Variants in PTH2R observed in about 807,000 individuals in gnomAD.
The protein encoded by PTH2R is PTH2 receptor.
A neutral mutation model predicts 60.3 loss-of-function variants in PTH2R; 59 were observed. The ratio of observed to expected loss-of-function variants is 0.98; its 90% CI spans 0.79 to 1.22. The LOEUF is 1.22. Among genes scored for constraint, PTH2R ranks in the 50% most tolerant of loss-of-function variants. PTH2R has a pLI of 0.00. For synonymous variants in PTH2R, 256 were observed against 243.8 expected, an observed-to-expected ratio of 1.05 and a Z score of -0.47; for missense variants, 749 against 682.6, an observed-to-expected ratio of 1.10 and a Z score of -1.08.
At chr2:208,379,665 GC>G (rs1413915544) in intron 1 of PTH2R, among the ~76,000 whole-genome samples, 1 of 151,948 alleles carries the variant, frequency 6.6e-6, no homozygotes, top group Non-Finnish European at 1.5e-5. Context: ...TTTGAGACCA[GC>G]CTGGTTAACA....
At chr2:208,481,848 G>A (rs1574912917) in intron 10 of PTH2R, among the ~76,000 whole-genome samples, 2 of 152,162 alleles carry the variant, frequency 1.3e-5, no homozygotes, top group Non-Finnish European at 2.9e-5. Context: ...ACATCAAATT[G>A]TCTCTCACTA....
At chr2:208,462,691 C>T (rs1250132194) in intron 9 of PTH2R, among the ~76,000 whole-genome samples, 1 of 152,192 alleles carries the variant, frequency 6.6e-6, no homozygotes, top group Non-Finnish European at 1.5e-5. Flanking sequence ...AATTTAATAT[C>T]TGCATTGGAA....
intron 1 of PTH2R, among the ~76,000 whole-genome samples, chr2:208,387,076 A>G (rs1701016387): frequency 6.6e-6 from 1 of 152,162 alleles, no homozygotes; most frequent in East Asian, 1.9e-4. Flanking sequence ...TTCATATACA[A>G]AGGGATAATA....
Position 208,418,549 on chromosome 2 carries a change from T to G in PTH2R, c.76-9652T>G, listed in dbSNP as rs148142391. On this transcript the variant is annotated intron_variant, in intron 1 of 12. Transcript: ENST00000272847. ...TAACACCCATCCATGAAAGAAATTC[T>G]TAATAAAATAAGCATAAAAGGGAAC... 2.4e-4 allele frequency among the ~76,000 whole-genome samples: 36 copies of G among 152,154 alleles called. No individual in the cohort carries two copies. In the East Asian group the frequency reaches 2.7e-3, roughly 11 times the overall value.
At chr2:208,407,169 A>G in intron 1 of PTH2R, 51 bp downstream of exon 1, 1 of 1,385,532 alleles carries the variant, frequency 7.2e-7, no homozygotes, top group South Asian at 1.9e-5. Context: ...TCCGGCGGGG[A>G]CTCAGCTTTA....
At position 208,411,019 on chromosome 2, in the gene PTH2R, G is replaced by A. The variant is rs369943662; in HGVS notation, c.75+3901G>A. On this transcript the variant is annotated intron_variant, in intron 1 of 12. Transcript: ENST00000272847. The stretch of plus-strand genomic sequence containing the variant: ...CCAGCACTTTGGGAGGCCAAGGCGG[G>A]CAGATCACTTGAGGTCAGGAGTTCG... 4.7e-4 allele frequency among the ~76,000 whole-genome samples: 72 copies of A among 152,328 alleles called. No homozygotes were observed. In the East Asian group the frequency reaches 0.012, roughly 25 times the overall value.
intron 1 of PTH2R, among the ~76,000 whole-genome samples, chr2:208,375,283 A>G (rs1038039483): frequency 3.3e-5 from 5 of 152,042 alleles, no homozygotes. Context: ...CTCAAGGAGA[A>G]GAAAGTTTAG....
At chr2:208,406,784 T>G, upstream of PTH2R, 1 of 345,564 alleles carries the variant, frequency 2.9e-6, no homozygotes, top group Non-Finnish European at 5.2e-6. Flanking sequence ...GGGCTGCGAG[T>G]CAAGTCCAGG....
intron 9 of PTH2R, among the ~76,000 whole-genome samples, chr2:208,480,565 C>T: frequency 6.6e-6 from 1 of 152,116 alleles, no homozygotes; most frequent in East Asian, 1.9e-4. Flanking sequence ...ATTGACTACA[C>T]TGGGAGCCTT....
rs1254671974 is a variant in PTH2R at position 208,493,264 on chromosome 2, G to A, written c.1258G>A (p.Val420Ile). Residue 420 changes from valine (V) to isoleucine (I), a missense_variant and splice_region_variant, in exon 13 of 13, where the codon GTT (valine) becomes ATT (isoleucine). Transcript: ENST00000272847. ...GCACAGCATGTTTCTCGTGGCTTAG[G>A]TTCAGGCAGAGGTGAAGAAGATGTG... ...SIIYCYCNGE[V>I]QAEVKKMWSR... 4.7e-6 allele frequency: 7 copies of A among 1,500,342 alleles called. No individual in the cohort carries two copies. Among genetic ancestry groups the A allele is most frequent in the African/African-American group, 1.4e-5 (1 of 71,480 alleles). 92.9% of individuals were successfully genotyped at this position (1,500,342 alleles called of 1,614,324 possible).
rs765344149 is a variant in PTH2R, at chr2:208,442,385, TATG to T, written c.434_436del (p.Tyr145_Val146delinsLeu). ...GCAGCAAGAATTCTTTGAACGCCTC[TATG>T]TAATGTATACCGTTGGCTACTCCAT... is the stretch of plus-strand genomic sequence containing the variant. On this transcript the variant is annotated inframe_deletion, in exon 5 of 13. Coordinates refer to ENST00000272847, the MANE Select transcript of PTH2R (RefSeq NM_005048.4). The T allele has an allele frequency of 6.2e-7, 1 of 1,612,726 alleles. No individual in the cohort carries two copies. Among genetic ancestry groups the T allele is most frequent in the South Asian group, 1.1e-5 (1 of 91,042 alleles).
At chr2:208,454,481 A>C (rs1319782467) in intron 8 of PTH2R, among the ~76,000 whole-genome samples, 1 of 152,252 alleles carries the variant, frequency 6.6e-6, no homozygotes, top group Non-Finnish European at 1.5e-5. Flanking sequence ...AGAAGAGGTC[A>C]TGTGAGCACA....
intron 7 of PTH2R, among the ~76,000 whole-genome samples, chr2:208,447,282 G>A (rs2105875677): frequency 6.6e-6 from 1 of 151,564 alleles, no homozygotes; most frequent in Admixed American, 6.6e-5. Flanking sequence ...TGATTATGAT[G>A]ATTCTTAAAA....
At chr2:208,382,273 C>A (rs1305231720) in intron 1 of PTH2R, among the ~76,000 whole-genome samples, 2 of 152,060 alleles carry the variant, frequency 1.3e-5, no homozygotes, top group Non-Finnish European at 2.9e-5. Flanking sequence ...TGAGCATTCA[C>A]ATACATGTCT....
intron 1 of PTH2R, among the ~76,000 whole-genome samples, chr2:208,425,984 A>G (rs912186027): frequency 1.3e-5 from 2 of 152,124 alleles, no homozygotes; most frequent in African/African-American, 4.8e-5. Flanking sequence ...GCTTTTGTTT[A>G]TATTTACTGA....
At chr2:208,449,831 T>C (rs1368301395) in intron 7 of PTH2R, among the ~76,000 whole-genome samples, 1 of 152,198 alleles carries the variant, frequency 6.6e-6, no homozygotes, top group African/African-American at 2.4e-5. Context: ...TAAAAAATGT[T>C]CTTGGCTAGA....
chr2:208,462,967 G>A (rs1033295682), intron 9 of PTH2R, among the ~76,000 whole-genome samples: 1 of 152,194 alleles, frequency 6.6e-6, no homozygotes, highest in African/African-American at 2.4e-5. Flanking sequence ...AAGGAATCAG[G>A]TTTTTCATTT....
intron 2 of PTH2R, among the ~76,000 whole-genome samples, chr2:208,434,797 G>A (rs1421108560): frequency 6.6e-6 from 1 of 152,212 alleles, no homozygotes; most frequent in Non-Finnish European, 1.5e-5. Flanking sequence ...GGGCAAAGTT[G>A]TTGGGAGAGG....
intron 11 of PTH2R, among the ~76,000 whole-genome samples, chr2:208,489,749 G>A (rs911277826): frequency 2.0e-5 from 3 of 152,122 alleles, no homozygotes; most frequent in Non-Finnish European, 4.4e-5. Flanking sequence ...ACATACCATT[G>A]TTTGGCATAC....
Sources: allele counts gnomAD v4.1 joint callset (sites outside exome capture counted in the v4.1 genomes callset), GRCh38; gene constraint gnomAD v4.1.1; transcripts MANE v1.5; gene names NCBI Gene and HGNC (gene_info 2026-07-23, HGNC 2026-07-21).